GIP: variants seen among roughly 807,000 people sequenced by gnomAD.
GIP encodes the protein gastric inhibitory polypeptide.
A neutral mutation model predicts 18.1 loss-of-function variants in GIP; 16 were observed. That is an observed-to-expected ratio of 0.88 (90% confidence interval 0.60 to 1.34). The LOEUF (loss-of-function observed/expected upper bound fraction) is 1.34, where lower values mean the gene tolerates loss of function less well. Among genes scored for constraint, GIP ranks in the 40% most tolerant of loss-of-function variants. GIP has a pLI of 0.00. For missense variants in GIP, 192 were observed against 183.4 expected, an observed-to-expected ratio of 1.05 and a Z score of -0.27; for synonymous variants, 76 against 74.0, an observed-to-expected ratio of 1.03 and a Z score of -0.14.
intron 4 of GIP, 97 bp downstream of exon 4, chr17:48,961,630 G>A: frequency 1.4e-6 from 1 of 739,812 alleles, no homozygotes; most frequent in Non-Finnish European, 2.3e-6. Flanking sequence ...GCTTATCTCA[G>A]GTCCTTGCTC....
Position 48,964,497 on chromosome 17 carries a change from G to T in GIP, c.87-17C>A. The T allele has an allele frequency of 6.2e-7, 1 of 1,610,886 alleles. No individual in the cohort carries two copies. The highest frequency in any genetic ancestry group is 8.5e-7 in the Non-Finnish European group (1 of 1,177,876). ...GGGAGAGCGCTGGAAACAAGGGTGC[G>T]GAGAAGGGGCAGAGATGGGGGGAGA... On this transcript the variant is annotated splice_polypyrimidine_tract_variant and intron_variant, in intron 2 of 5. Coordinates refer to ENST00000357424, the MANE Select transcript of GIP (RefSeq NM_004123.3).
rs33956589 is a variant in GIP, at chr17:48,965,138, C to CAAAAAAAAAAA, written c.87-669_87-659dup. 8.9e-3 allele frequency among the ~76,000 whole-genome samples: 974 copies of CAAAAAAAAAAA among 109,466 alleles called. 94 individuals are homozygous for CAAAAAAAAAAA. The highest frequency in any genetic ancestry group is 0.013 in the Non-Finnish European group (724 of 57,282). The allele number at this position is 109,466 out of a possible 152,430, so 71.8% of individuals were successfully genotyped here. On this transcript the variant is annotated intron_variant, in intron 2 of 5. Transcript: ENST00000357424. ...TGGGAGACAGAGCGAGACTCCGTCT[C>CAAAAAAAAAAA]AAAAAAAAAAAAATTAGCCAGGCGT...
intron 3 of GIP, 151 bp downstream of exon 3, chr17:48,964,159 C>CAAA (rs11380752): frequency 2.1e-3 from 765 of 357,052 alleles, no homozygotes; most frequent in South Asian, 3.3e-3. Context: ...GACTCCATCT[C>CAAA]AAAAAAAAAA....
chr17:48,967,356 T>G, intron 1 of GIP, 103 bp from the exon 2 acceptor site: 1 of 637,696 alleles, frequency 1.6e-6, no homozygotes. Context: ...TCTTTTCCTT[T>G]TTCTTTTTTT....
At chr17:48,960,845 A>G (rs1490960180) in intron 5 of GIP, 41 bp downstream of exon 5, 1 of 1,224,728 alleles carries the variant, frequency 8.2e-7, no homozygotes, top group Non-Finnish European at 1.2e-6. Flanking sequence ...CTGATGCCCA[A>G]GCTCAAGTTA....
In GIP at chr17:48,964,465, C is replaced by G; in HGVS notation, c.102G>C (p.Leu34=). 1 of 1,613,798 alleles carries G rather than the reference C, an allele frequency of 6.2e-7. No homozygotes were observed. The highest frequency in any genetic ancestry group is 1.3e-5 in the African/African-American group (1 of 75,026). ...KEGHFSALPS[L]PVGSHAKVSS... is the part of the protein sequence containing the mutation. ...TCACCTTAGCATGAGATCCAACAGG[C>G]AGGGAGGGGAGAGCGCTGGAAACAA... The change falls in exon 3 of 6, where the codon CTG becomes CTC. Residue 34 remains leucine, a synonymous_variant. Transcript: ENST00000357424.
chr17:48,964,683 G>A (rs956780743), intron 2 of GIP, among the ~76,000 whole-genome samples: 2 of 152,124 alleles, frequency 1.3e-5, no homozygotes, highest in Admixed American at 6.6e-5. Flanking sequence ...AGTGTGTGTG[G>A]CTCTGGATTC....
At position 48,961,773 on chromosome 17, in the gene GIP, C is replaced by T; in HGVS notation, c.304G>A (p.Ala102Thr). Reference sequence around the variant, plus strand: ...TCCTCCTTCCTATTAGCTTGACTGGCCAGCTCCAGCGCCCGAGCCTCCCTC... The same window carrying T: ...TCCTCCTTCCTATTAGCTTGACTGGTCAGCTCCAGCGCCCGAGCCTCCCTC... ...TQREARALELASQANRKEEEA... is the reference protein window; with the variant it reads ...TQREARALELTSQANRKEEEA... The change falls in exon 4 of 6, where the codon GCC becomes ACC. Residue 102 changes from alanine to threonine, a missense_variant. Ala to Thr is a moderately conservative substitution (Grantham distance 58). Coordinates refer to ENST00000357424, the MANE Select transcript of GIP (RefSeq NM_004123.3). 1.9e-6 allele frequency: 3 copies of T among 1,612,948 alleles called. No individual in the cohort carries two copies. Among genetic ancestry groups the T allele is most frequent in the African/African-American group, 1.3e-5 (1 of 75,038 alleles).
chr17:48,961,130 T>C, intron 4 of GIP, 143 bp from the exon 5 acceptor site: 1 of 603,048 alleles, frequency 1.7e-6, no homozygotes, highest in South Asian at 2.0e-5. Flanking sequence ...GGCTCAGCTC[T>C]GAGATCTGGA....
At chr17:48,959,709 C>T (rs562687963) in intron 5 of GIP, among the ~76,000 whole-genome samples, 9 of 152,278 alleles carry the variant, frequency 5.9e-5, no homozygotes, top group African/African-American at 2.2e-4. Flanking sequence ...TGCCATGGCC[C>T]AAGGGTACAG....
chr17:48,958,918 G>C (rs2041183955), intron 5 of GIP, among the ~76,000 whole-genome samples: 1 of 149,130 alleles, frequency 6.7e-6, no homozygotes, highest in Admixed American at 6.7e-5. Flanking sequence ...GCAGTGGCGC[G>C]ATCTCGGCTC....
chr17:48,961,831 A>G lies in GIP; in HGVS notation c.258-12T>C. 6.2e-7 allele frequency: 1 copy of G among 1,600,024 alleles called. No homozygotes were observed. Among genetic ancestry groups the G allele is most frequent in the Non-Finnish European group, 8.6e-7 (1 of 1,169,524 alleles). On this transcript the variant is annotated splice_polypyrimidine_tract_variant and intron_variant, in intron 3 of 5. Coordinates refer to ENST00000357424, the MANE Select transcript of GIP (RefSeq NM_004123.3). ...TGTTGTGTTTCCAGCTGGGAAGATA[A>G]AGATTAGAGAGTGGGCAAGCTGCGG...
At position 48,958,860 on chromosome 17, in the gene GIP, T is replaced by TC. The variant is rs1309303875; in HGVS notation, c.453-145_453-144insG. 4.8e-4 allele frequency: 257 copies of TC among 540,062 alleles called. No individual in the cohort carries two copies. The East Asian group carries it at 8.8e-3, about 18-fold the overall frequency. The allele number at this position is 540,062 out of a possible 1,614,324, so 33.5% of individuals were successfully genotyped here. A position where few individuals can be genotyped will look rare whatever the true frequency, so the allele number is the denominator to read the frequency against. On this transcript the variant is annotated intron_variant, in intron 5 of 5. Transcript: ENST00000357424. Reference sequence around the variant, plus strand: ...ATTTTAATTTTTATCAATTTACTTTTTTTTTTTTTTTTGAGACGGAGTCTC... The same window carrying TC: ...ATTTTAATTTTTATCAATTTACTTTTCTTTTTTTTTTTTGAGACGGAGTCTC...
chr17:48,960,557 C>T (rs933782105), intron 5 of GIP, among the ~76,000 whole-genome samples: 1 of 152,072 alleles, frequency 6.6e-6, no homozygotes, highest in African/African-American at 2.4e-5. Context: ...AGCATCACCT[C>T]GCCTGGAAGA....
chr17:48,965,604 C>CAAA (rs33918974), intron 2 of GIP, among the ~76,000 whole-genome samples: 52,753 of 83,908 alleles, frequency 0.63, 17,363 homozygotes, highest in Middle Eastern at 0.76. Flanking sequence ...GACTCCATCT[C>CAAA]AAAAAAAAAA....
chr17:48,959,014 C>A (rs1417053582), intron 5 of GIP, among the ~76,000 whole-genome samples: 1 of 151,954 alleles, frequency 6.6e-6, no homozygotes. Flanking sequence ...GCCTCCACGC[C>A]CAGCTAATTT....
rs1355685714 is a variant in GIP, at chr17:48,965,061, C to T, written c.87-581G>A. Among the ~76,000 whole-genome samples, 3 of 150,694 alleles carry T rather than the reference C, an allele frequency of 2.0e-5. No individual in the cohort carries two copies. The East Asian group carries it at 5.9e-4, about 30-fold the overall frequency. ...GGCTGAGGCAGGAGAATGGCGTGAA[C>T]CCGGGAGGCGGAGCTTGCAGTGAGC... On this transcript the variant is annotated intron_variant, in intron 2 of 5. Coordinates refer to ENST00000357424, the MANE Select transcript of GIP (RefSeq NM_004123.3).
rs529091271 is a variant in GIP, at chr17:48,966,859, T to C, written c.86+288A>G. On this transcript the variant is annotated intron_variant, in intron 2 of 5. Transcript: ENST00000357424. Reference sequence around the variant, plus strand: ...AAAGAAGCAAACATGCATAAATGAATAAAACATTTATTGGGAAGGGAGATT... The same window carrying C: ...AAAGAAGCAAACATGCATAAATGAACAAAACATTTATTGGGAAGGGAGATT... 1.3e-4 allele frequency among the ~76,000 whole-genome samples: 20 copies of C among 152,130 alleles called. No homozygotes were observed. The East Asian group carries it at 2.5e-3, about 19-fold the overall frequency.
chr17:48,958,638 T>C lies in GIP; in HGVS notation c.*69A>G. 1 of 1,324,086 alleles carries C rather than the reference T, an allele frequency of 7.6e-7. No individual in the cohort carries two copies. The highest frequency in any genetic ancestry group is 1.1e-6 in the Non-Finnish European group (1 of 938,468). The allele number at this position is 1,324,086 out of a possible 1,614,324, so 82.0% of individuals were successfully genotyped here. A position where few individuals can be genotyped will look rare whatever the true frequency, so the allele number is the denominator to read the frequency against. On this transcript the variant is annotated 3_prime_UTR_variant, in exon 6 of 6. Transcript: ENST00000357424. The stretch of plus-strand genomic sequence containing the variant: ...TATTGGTTTGGGTTCTCTTGGCTAT[T>C]CTGGAGTGGGGCTGAGGCAGGTGCT...
Sources: allele counts gnomAD v4.1 joint callset (sites outside exome capture counted in the v4.1 genomes callset), GRCh38; gene constraint gnomAD v4.1.1; transcripts MANE v1.5; gene names NCBI Gene and HGNC (gene_info 2026-07-23, HGNC 2026-07-21).